Variants in DYM observed in about 807,000 individuals in gnomAD.
DYM encodes the protein dymeclin, also known as dyggve-Melchior-Clausen syndrome protein.
In DYM, 78 loss-of-function variants were observed where a neutral mutation model predicts 93.1. The ratio of observed to expected loss-of-function variants is 0.84; its 90% confidence interval spans 0.70 to 1.01. DYM has a LOEUF of 1.01. Ranked by LOEUF, DYM falls within the 50% of genes least tolerant of loss-of-function variation. DYM has a pLI of 0.00. For synonymous variants in DYM, 321 were observed against 319.7 expected (o/e 1.00, Z -0.04); for missense variants, 789 against 845.0 (o/e 0.93, Z 0.82).
intron 13 of DYM, among the ~76,000 whole-genome samples, chr18:49,213,220 T>G (rs1450962224): frequency 6.6e-6 from 1 of 151,852 alleles, no homozygotes; most frequent in African/African-American, 2.4e-5. Flanking sequence ...GATTCCAAGG[T>G]GAAGTTTTCT....
intron 5 of DYM, among the ~76,000 whole-genome samples, chr18:49,370,470 T>C (rs563494953): frequency 6.6e-6 from 1 of 152,074 alleles, no homozygotes; most frequent in East Asian, 1.9e-4. Context: ...CAAAAAATAA[T>C]TGTAAAGAAA....
intron 14 of DYM, among the ~76,000 whole-genome samples, chr18:49,195,497 CTCTT>C (rs1044633618): frequency 1.3e-5 from 2 of 152,186 alleles, no homozygotes; most frequent in African/African-American, 4.8e-5. Context: ...ACAGAACTCA[CTCTT>C]TCTAGCTAGC....
intron 2 of DYM, among the ~76,000 whole-genome samples, chr18:49,401,103 G>A (rs190470708): frequency 6.6e-6 from 1 of 152,234 alleles, no homozygotes; most frequent in African/African-American, 2.4e-5. Context: ...TACTAATTCA[G>A]ACTAAATAAG....
chr18:49,371,845 T>C (rs867203789), intron 5 of DYM, among the ~76,000 whole-genome samples: 1 of 152,198 alleles, frequency 6.6e-6, no homozygotes, highest in Non-Finnish European at 1.5e-5. Context: ...ACATAGCCTA[T>C]GGGAAAATGT....
At chr18:49,366,661 A>G (rs1235035986) in intron 5 of DYM, among the ~76,000 whole-genome samples, 1 of 152,210 alleles carries the variant, frequency 6.6e-6, no homozygotes, top group Non-Finnish European at 1.5e-5. Flanking sequence ...TCTCCCTTAA[A>G]GAGTTTTAAA....
At chr18:49,323,109 G>A (rs982397623) in intron 8 of DYM, among the ~76,000 whole-genome samples, 2 of 152,092 alleles carry the variant, frequency 1.3e-5, no homozygotes, top group Non-Finnish European at 2.9e-5. Flanking sequence ...AGAGAATAAC[G>A]TGTTTCAATC....
intron 15 of DYM, among the ~76,000 whole-genome samples, chr18:49,120,567 T>G (rs2082295970): frequency 6.6e-6 from 1 of 152,166 alleles, no homozygotes. Context: ...TTTAAATCTG[T>G]GGATGTGGAA....
rs1250890171 is a variant in DYM, at chr18:49,120,203, A to G, written c.1729-1277T>C. Among the ~76,000 whole-genome samples, 4 of 152,122 alleles carry G rather than the reference A, an allele frequency of 2.6e-5. No individual in the cohort carries two copies. The South Asian group carries it at 6.2e-4, about 24-fold the overall frequency. ...GAAAAAATGCAAATGAAAAAGGGAA[A>G]CCAACTAAAAACAGAAAGTAAAATG... is the stretch of plus-strand genomic sequence containing the variant. On this transcript the variant is annotated intron_variant, in intron 15 of 17. Transcript: ENST00000675505.
intron 11 of DYM, among the ~76,000 whole-genome samples, chr18:49,259,195 C>A (rs1292377028): frequency 6.6e-6 from 1 of 152,136 alleles, no homozygotes; most frequent in Admixed American, 6.5e-5. Context: ...ACAGCAGACT[C>A]CCCACCACTC....
chr18:49,109,782 A>G (rs560654001), intron 16 of DYM, among the ~76,000 whole-genome samples: 19 of 152,356 alleles, frequency 1.2e-4, no homozygotes, highest in Middle Eastern at 3.4e-3. Flanking sequence ...AACCATGCCT[A>G]TCTTTTACTC....
intron 9 of DYM, 149 bp downstream of exon 9, chr18:49,286,285 T>C (rs2145827904): frequency 1.1e-6 from 1 of 870,580 alleles, no homozygotes; most frequent in Non-Finnish European, 1.9e-6. Context: ...CTGATAATAT[T>C]GACAGGAAAA....
At chr18:49,145,508 C>A (rs2085025683) in intron 15 of DYM, among the ~76,000 whole-genome samples, 1 of 152,202 alleles carries the variant, frequency 6.6e-6, no homozygotes, top group East Asian at 1.9e-4. Flanking sequence ...GAGTTTCATT[C>A]CTCTTTCACT....
At chr18:49,427,587 T>TA (rs79850548) in intron 2 of DYM, among the ~76,000 whole-genome samples, 13,876 of 150,952 alleles carry the variant, frequency 0.092, 850 homozygotes, top group East Asian at 0.31. Context: ...TATGGTTATG[T>TA]AAAAAAAAAG....
intron 17 of DYM, among the ~76,000 whole-genome samples, chr18:49,061,372 AC>A (rs758945679): frequency 6.6e-6 from 1 of 152,194 alleles, no homozygotes; most frequent in Non-Finnish European, 1.5e-5. Flanking sequence ...AGACAGGGAG[AC>A]AGAAAAGCAC....
chr18:49,407,097 A>G (rs1460425859), intron 2 of DYM, among the ~76,000 whole-genome samples: 1 of 152,230 alleles, frequency 6.6e-6, no homozygotes, highest in Non-Finnish European at 1.5e-5. Context: ...AGCCCTTCTC[A>G]AAATGTTACG....
intron 9 of DYM, 121 bp downstream of exon 9, chr18:49,286,313 G>A: frequency 8.5e-7 from 1 of 1,183,358 alleles, no homozygotes; most frequent in Non-Finnish European, 1.3e-6. Flanking sequence ...TTTTTCTCAT[G>A]TTTGACCAAT....
At chr18:49,382,375 G>C (rs1054373357) in intron 3 of DYM, among the ~76,000 whole-genome samples, 1 of 152,174 alleles carries the variant, frequency 6.6e-6, no homozygotes, top group African/African-American at 2.4e-5. Flanking sequence ...TACTCTTTTG[G>C]ATAAGATGAA....
chr18:49,260,287 C>T (rs1248056746), intron 11 of DYM, among the ~76,000 whole-genome samples: 1 of 152,152 alleles, frequency 6.6e-6, no homozygotes, highest in East Asian at 1.9e-4. Flanking sequence ...GAGGCAGAGG[C>T]ATGAGAATCG....
intron 14 of DYM, among the ~76,000 whole-genome samples, chr18:49,205,486 T>G (rs1184757687): frequency 6.6e-6 from 1 of 152,040 alleles, no homozygotes; most frequent in Non-Finnish European, 1.5e-5. Context: ...ACATATAACA[T>G]AACTATAATT....
Sources: gnomAD v4.1 joint callset for allele counts (sites outside exome capture counted in the v4.1 genomes callset) on GRCh38, gnomAD v4.1.1 for gene constraint, MANE v1.5 for transcripts, NCBI Gene and HGNC (gene_info 2026-07-23, HGNC 2026-07-21) for gene names.